The following ATF7IP2 variants were observed in gnomAD, a reference collection of about 807,000 sequenced individuals.
ATF7IP2 encodes the protein activating transcription factor 7-interacting protein 2.
A neutral mutation model predicts 64.2 loss-of-function variants in ATF7IP2; 42 were observed. The observed-to-expected ratio is 0.65, with a 90% CI of 0.51 to 0.85. The LOEUF is 0.85. Ranked by LOEUF, ATF7IP2 falls within the 40% of genes least tolerant of loss-of-function variation. The pLI, the probability that ATF7IP2 is intolerant of heterozygous loss-of-function variation, is 0.00. For synonymous variants in ATF7IP2, 308 were observed against 272.8 expected (o/e 1.13, Z -1.27); for missense variants, 933 against 784.2 (o/e 1.19, Z -2.27).
intron 1 of ATF7IP2, among the ~76,000 whole-genome samples, chr16:10,398,765 G>C (rs1245170780): frequency 6.6e-6 from 1 of 152,074 alleles, no homozygotes; most frequent in African/African-American, 2.4e-5. Context: ...CAGCTGGGGG[G>C]TGGGGTTGAA....
At chr16:10,468,327 G>A (rs2049659708) in intron 9 of ATF7IP2, among the ~76,000 whole-genome samples, 1 of 152,010 alleles carries the variant, frequency 6.6e-6, no homozygotes, top group Admixed American at 6.6e-5. Flanking sequence ...GAAAACTGTT[G>A]AGCATAAACT....
intron 9 of ATF7IP2, among the ~76,000 whole-genome samples, chr16:10,460,094 A>G (rs1185076266): frequency 6.6e-6 from 1 of 152,216 alleles, no homozygotes; most frequent in African/African-American, 2.4e-5. Flanking sequence ...CTGAATTCAA[A>G]TATCTAAGAA....
chr16:10,430,826 C>A lies in ATF7IP2; in HGVS notation c.206C>A (p.Pro69His), dbSNP rs373800091. ...TRTTEITKCS[P>H]SENGASSLDS... ...ACGACTGAAATAACCAAATGTAGCC[C>A]TTCTGAAAATGGTGCATCCTCATTG... The change falls in exon 5 of 14, where the codon CCT (proline) becomes CAT (histidine). Residue 69 changes from proline to histidine, a missense_variant. Transcript: ENST00000562102. 4.3e-6 allele frequency: 7 copies of A among 1,613,898 alleles called. No homozygotes were observed. The African/African-American group carries it at 9.3e-5, about 22-fold the overall frequency.
At chr16:10,438,627 T>C (rs1405616241) in intron 7 of ATF7IP2, among the ~76,000 whole-genome samples, 7 of 152,162 alleles carry the variant, frequency 4.6e-5, no homozygotes, top group East Asian at 3.8e-4. Context: ...AGGGAAGACA[T>C]ACCTGATTCC....
chr16:10,424,723 A>T (rs983169871), intron 3 of ATF7IP2, among the ~76,000 whole-genome samples: 2 of 152,224 alleles, frequency 1.3e-5, no homozygotes, highest in African/African-American at 2.4e-5. Context: ...AGCCTCCAAG[A>T]AGTACATGAA....
chr16:10,413,769 C>A (rs1596462510), intron 1 of ATF7IP2, among the ~76,000 whole-genome samples: 1 of 152,148 alleles, frequency 6.6e-6, no homozygotes, highest in South Asian at 2.1e-4. Flanking sequence ...CTGAAAAAGA[C>A]TGTATGTTTC....
At chr16:10,470,742 C>G (rs1161305765) in intron 9 of ATF7IP2, among the ~76,000 whole-genome samples, 1 of 151,786 alleles carries the variant, frequency 6.6e-6, no homozygotes, top group African/African-American at 2.4e-5. Flanking sequence ...ACATTTGCAC[C>G]ACTACACTCC....
intron 1 of ATF7IP2, among the ~76,000 whole-genome samples, chr16:10,403,368 C>G (rs1305357314): frequency 6.6e-6 from 1 of 152,124 alleles, no homozygotes. Flanking sequence ...TTGAGAAAAC[C>G]ACCACACTAA....
intron 4 of ATF7IP2, among the ~76,000 whole-genome samples, chr16:10,430,287 A>G (rs187047866): frequency 1.3e-5 from 2 of 152,332 alleles, no homozygotes; most frequent in East Asian, 1.9e-4. Flanking sequence ...TATTTAAACT[A>G]TGACTTACCT....
chr16:10,430,625 C>G lies in ATF7IP2; in HGVS notation c.5C>G (p.Ala2Gly). The part of the protein sequence containing the change: M[A>G]SPDRSKRKIL... ...TTAAATTCCAGGATATGAAAGATGG[C>G]AAGTCCAGATAGAAGTAAACGGAAG... Residue 2 changes from alanine to glycine, a missense_variant, in exon 5 of 14, where the codon GCA (alanine) becomes GGA (glycine). Coordinates refer to ENST00000562102, the MANE Select transcript of ATF7IP2 (RefSeq NM_001393719.1). The G allele has an allele frequency of 6.2e-7, 1 of 1,602,318 alleles. No individual in the cohort carries two copies. The highest frequency in any genetic ancestry group is 8.5e-7 in the Non-Finnish European group (1 of 1,172,716).
chr16:10,435,704 G>T (rs1054588448), intron 6 of ATF7IP2, among the ~76,000 whole-genome samples: 1 of 152,224 alleles, frequency 6.6e-6, no homozygotes, highest in Non-Finnish European at 1.5e-5. Flanking sequence ...TGAGCTAATA[G>T]TTGAAGACTG....
In ATF7IP2 at chr16:10,430,669, A is replaced by T. The variant is rs1567450482; in HGVS notation, c.49A>T (p.Thr17Ser). 1.2e-6 allele frequency: 2 copies of T among 1,614,148 alleles called. No individual in the cohort carries two copies. The highest frequency in any genetic ancestry group is 1.7e-6 in the Non-Finnish European group (2 of 1,180,018). Residue 17 changes from threonine to serine, a missense_variant, in exon 5 of 14, where the codon ACA becomes TCA. By Grantham distance (58) the Thr-to-Ser change is moderately conservative. Coordinates refer to ENST00000562102, the MANE Select transcript of ATF7IP2 (RefSeq NM_001393719.1). ...ACGGAAGATATTAAAAGCCAAAAAG[A>T]CAATGCCCCTAAGTTGCCGGAAGCA... is the stretch of plus-strand genomic sequence containing the variant. ...SKRKILKAKKTMPLSCRKQVE... is the reference protein window; with the variant it reads ...SKRKILKAKKSMPLSCRKQVE...
Position 10,482,084 on chromosome 16 carries a change from G to A in ATF7IP2, c.1884G>A (p.Lys628=). 6.2e-7 allele frequency: 1 copy of A among 1,614,096 alleles called. No homozygotes were observed. Among genetic ancestry groups the A allele is most frequent in the Non-Finnish European group, 8.5e-7 (1 of 1,179,992 alleles). ...CTAATAATAAGTTGATTTGGAAGAA[G>A]ATTGGAGAAATTAAAGCTTTACCAC... ...ENSNNKLIWK[K]IGEIKALPLP... is the part of the protein sequence containing the mutation. Residue 628 remains lysine (K), a synonymous_variant, in exon 14 of 14, where the codon AAG becomes AAA. Coordinates refer to ENST00000562102, the MANE Select transcript of ATF7IP2 (RefSeq NM_001393719.1).
chr16:10,394,778 G>T (rs556055940), intron 1 of ATF7IP2, among the ~76,000 whole-genome samples: 6 of 152,218 alleles, frequency 3.9e-5, no homozygotes, highest in African/African-American at 1.4e-4. Flanking sequence ...AAATCATGAG[G>T]TTAATTAGAA....
chr16:10,430,529 G>A (rs2048209085), intron 4 of ATF7IP2, 82 bp from the exon 5 acceptor site: 2 of 771,182 alleles, frequency 2.6e-6, no homozygotes, highest in South Asian at 2.1e-5. Context: ...TTTTAATATT[G>A]TAAATAAATA....
At chr16:10,404,798 C>T (rs1229164351) in intron 1 of ATF7IP2, among the ~76,000 whole-genome samples, 1 of 152,102 alleles carries the variant, frequency 6.6e-6, no homozygotes, top group African/African-American at 2.4e-5. Context: ...CCACTTTGGC[C>T]TCCCAAGGTG....
chr16:10,448,873 A>G (rs2048895880), intron 8 of ATF7IP2: 2 of 152,188 alleles, frequency 1.3e-5, no homozygotes, highest in Non-Finnish European at 2.9e-5. Flanking sequence ...GAGAGAGGGC[A>G]TCCTTCTCTT....
chr16:10,476,476 C>G (rs2050011549), intron 12 of ATF7IP2, among the ~76,000 whole-genome samples: 1 of 149,648 alleles, frequency 6.7e-6, no homozygotes, highest in South Asian at 2.1e-4. Context: ...TGTATTTACT[C>G]TCCCCAGTTG....
In ATF7IP2 at chr16:10,480,891, C is replaced by T; in HGVS notation, c.1562C>T (p.Ser521Phe). 6.2e-7 allele frequency: 1 copy of T among 1,609,148 alleles called. No homozygotes were observed. The highest frequency in any genetic ancestry group is 8.5e-7 in the Non-Finnish European group (1 of 1,175,708). The change falls in exon 13 of 14, where the codon TCC becomes TTC. Residue 521 changes from serine (S) to phenylalanine (F), a missense_variant. Ser to Phe is a radical substitution (Grantham distance 155, BLOSUM62 -2). Transcript: ENST00000562102. ...GTGTTGTTCACAGAAAGTCCAGTAT[C>T]CCCCCTGGAGTCACATTCGAAAGCT... The part of the protein sequence containing the change: ...LSNCNTESPV[S>F]PLESHSKAAS...
Sources: allele counts gnomAD v4.1 joint callset (sites outside exome capture counted in the v4.1 genomes callset), GRCh38; gene constraint gnomAD v4.1.1; transcripts MANE v1.5; gene names NCBI Gene and HGNC (gene_info 2026-07-23, HGNC 2026-07-21).